RBBP8: variants seen among roughly 807,000 people sequenced by gnomAD.
The protein encoded by RBBP8 is DNA endonuclease RBBP8.
RBBP8 carries 88 observed loss-of-function variants against 108.3 expected under a neutral mutation model. The observed-to-expected ratio is 0.81, with a 90% CI of 0.68 to 0.97. The LOEUF is 0.97. Among genes scored for constraint, RBBP8 ranks in the 50% least tolerant of loss-of-function variants. The pLI is 0.00. For missense variants in RBBP8, 1,023 were observed against 1,049.0 expected (o/e 0.98, Z 0.34); for synonymous variants, 332 against 348.2 (o/e 0.95, Z 0.52).
intron 16 of RBBP8, among the ~76,000 whole-genome samples, chr18:23,011,609 TTG>T (rs2046163132): frequency 6.6e-6 from 1 of 151,864 alleles, no homozygotes; most frequent in South Asian, 2.1e-4. Flanking sequence ...GCTAATTTTT[TTG>T]TGTTTTTTTA....
intron 16 of RBBP8, 39 bp downstream of exon 16, chr18:23,006,471 A>T: frequency 7.0e-7 from 1 of 1,420,514 alleles, no homozygotes; most frequent in Non-Finnish European, 1.0e-6. Context: ...TGTGACTGGA[A>T]GTACAATAGA....
At chr18:22,996,228 G>T (rs2045854612) in intron 12 of RBBP8, 146 bp from the exon 13 acceptor site, 1 of 1,315,102 alleles carries the variant, frequency 7.6e-7, no homozygotes, top group Non-Finnish European at 1.0e-6. Flanking sequence ...GGAGCTGTGA[G>T]AGTTCTTTAT....
chr18:23,020,315 G>A (rs2046328246), intron 17 of RBBP8, among the ~76,000 whole-genome samples: 1 of 151,928 alleles, frequency 6.6e-6, no homozygotes, highest in African/African-American at 2.4e-5. Flanking sequence ...CAGCTACTCT[G>A]GAGGCTGAGG....
At chr18:22,917,456 A>G (rs2144326646) in intron 3 of RBBP8, among the ~76,000 whole-genome samples, 1 of 152,216 alleles carries the variant, frequency 6.6e-6, no homozygotes, top group East Asian at 1.9e-4. Context: ...TTTCAGAGTT[A>G]TTGGAAGAAT....
At chr18:22,916,591 A>T (rs539824494) in intron 2 of RBBP8, among the ~76,000 whole-genome samples, 1 of 152,260 alleles carries the variant, frequency 6.6e-6, no homozygotes, top group East Asian at 1.9e-4. Flanking sequence ...TGAACTAAAA[A>T]ATCATTTGTT....
intron 4 of RBBP8, among the ~76,000 whole-genome samples, chr18:22,957,291 C>CTTTTTTTTTTTTTTT (rs11418623): frequency 3.9e-4 from 36 of 92,864 alleles, no homozygotes; most frequent in African/African-American, 4.8e-4. Flanking sequence ...ATTACTTTTT[C>CTTTTTTTTTTTTTTT]TTTTTTTTTT....
At chr18:23,013,748 G>A (rs930546758) in intron 16 of RBBP8, among the ~76,000 whole-genome samples, 10 of 152,328 alleles carry the variant, frequency 6.6e-5, no homozygotes, top group African/African-American at 2.4e-4. Flanking sequence ...CCCTGAGCAA[G>A]GACAGGGCTG....
rs151188273 is a variant in RBBP8, at chr18:22,958,778, A to T, written c.248+9065A>T. 2.1e-3 allele frequency among the ~76,000 whole-genome samples: 319 copies of T among 152,192 alleles called. 1 individual carries two copies. The highest frequency in any genetic ancestry group is 7.3e-3 in the African/African-American group (302 of 41,522). Reference sequence around the variant, plus strand: ...GCTTGTCTTGAACTCCTAGGCTCAGACCATCCTCCCACCTCAGCCTCCCAG... The same window carrying T: ...GCTTGTCTTGAACTCCTAGGCTCAGTCCATCCTCCCACCTCAGCCTCCCAG... On this transcript the variant is annotated intron_variant, in intron 4 of 18. Transcript: ENST00000327155.
intron 2 of RBBP8, among the ~76,000 whole-genome samples, chr18:22,937,989 C>G (rs1459789491): frequency 2.6e-5 from 4 of 151,312 alleles, no homozygotes; most frequent in African/African-American, 7.3e-5. Context: ...CCACGCCCAG[C>G]TAATTTTATG....
At chr18:23,024,343 A>G (rs2046421492) in intron 18 of RBBP8, among the ~76,000 whole-genome samples, 2 of 152,226 alleles carry the variant, frequency 1.3e-5, no homozygotes, top group Non-Finnish European at 2.9e-5. Context: ...ACATACTCTT[A>G]GTTTTATGAA....
chr18:22,991,163 T>G, intron 10 of RBBP8, 114 bp downstream of exon 10: 10 of 810,688 alleles, frequency 1.2e-5, no homozygotes, highest in Non-Finnish European at 1.8e-5. Context: ...TTATTGTGGT[T>G]ATATAAATGT....
At position 23,000,970 on chromosome 18, in the gene RBBP8, A is replaced by T. The variant is rs1171397130; in HGVS notation, c.2144-616A>T. 2.0e-5 allele frequency among the ~76,000 whole-genome samples: 3 copies of T among 152,310 alleles called. No homozygotes were observed. The East Asian group carries it at 5.8e-4, about 29-fold the overall frequency. ...TAACTGAATTAACACTCAGCCTTAC[A>T]GCTTGCAACTAATATTCTTAGAATC... On this transcript the variant is annotated intron_variant, in intron 14 of 18. Transcript: ENST00000327155.
chr18:22,916,335 A>G (rs1304015412), intron 2 of RBBP8, among the ~76,000 whole-genome samples: 1 of 152,012 alleles, frequency 6.6e-6, no homozygotes, highest in East Asian at 1.9e-4. Context: ...CCTAAGAGGG[A>G]CATTTAAAGA....
intron 7 of RBBP8, 96 bp downstream of exon 7, chr18:22,982,489 C>A (rs1598702890): frequency 6.3e-7 from 1 of 1,588,154 alleles, no homozygotes; most frequent in East Asian, 2.3e-5. Flanking sequence ...AGAAGATAGT[C>A]ACTATTCTGG....
chr18:22,980,035 C>G (rs1373716313), intron 6 of RBBP8, among the ~76,000 whole-genome samples: 1 of 152,072 alleles, frequency 6.6e-6, no homozygotes, highest in Non-Finnish European at 1.5e-5. Context: ...CACTTGAGGT[C>G]AGGAGTTTGG....
At chr18:22,992,716 G>A (rs758756184) in intron 10 of RBBP8, 32 bp from the exon 11 acceptor site, 3 of 1,524,686 alleles carry the variant, frequency 2.0e-6, no homozygotes, top group Non-Finnish European at 2.7e-6. Context: ...TATTAATTCT[G>A]TATTAAAGAA....
intron 2 of RBBP8, among the ~76,000 whole-genome samples, chr18:22,939,853 T>A (rs796709789): frequency 6.6e-6 from 1 of 152,190 alleles, no homozygotes; most frequent in South Asian, 2.1e-4. Context: ...AGTGGGTTTG[T>A]GCATGGTTTA....
chr18:23,022,663 T>TTAAAAAAATAA (rs2046385274), intron 18 of RBBP8, among the ~76,000 whole-genome samples: 1 of 99,744 alleles, frequency 1.0e-5, no homozygotes, highest in Admixed American at 1.1e-4. Flanking sequence ...TAAAATAAAA[T>TTAAAAAAATAA]AAAATAAATA....
Position 22,996,380 on chromosome 18 carries a change from C to G in RBBP8, c.1946C>G (p.Ser649Cys). The G allele has an allele frequency of 6.2e-7, 1 of 1,613,424 alleles. No homozygotes were observed. Among genetic ancestry groups the G allele is most frequent in the Non-Finnish European group, 8.5e-7 (1 of 1,179,820 alleles). The change falls in exon 13 of 19, where the codon TCC becomes TGC. Residue 649 changes from serine (S) to cysteine (C), a missense_variant. By Grantham distance (112) the Ser-to-Cys change is moderately radical. Transcript: ENST00000327155. ...CTCTTTCCCTTTACCTAAGATGTAT[C>G]CTTTGAAAATATCCAGTGGAGTATA... Reference protein sequence around the residue: ...IKSLQNNQDVSFENIQWSIDP... With the variant: ...IKSLQNNQDVCFENIQWSIDP...
Sources: gnomAD v4.1 joint callset for allele counts (sites outside exome capture counted in the v4.1 genomes callset) on GRCh38, gnomAD v4.1.1 for gene constraint, MANE v1.5 for transcripts, NCBI Gene and HGNC (gene_info 2026-07-23, HGNC 2026-07-21) for gene names.